ASTN2: variants seen among roughly 807,000 people sequenced by gnomAD.
ASTN2 encodes the protein astrotactin-2.
Under a neutral mutation model 139.8 loss-of-function variants are expected in ASTN2, and 54 were observed. The ratio of observed to expected loss-of-function variants is 0.39; its 90% CI spans 0.31 to 0.48. ASTN2 has a LOEUF of 0.48. ASTN2 is among the 20% of genes least tolerant of loss of function. The pLI is 0.95. For synonymous variants in ASTN2, 756 were observed against 719.5 expected (o/e 1.05, Z -0.81); for missense variants, 1,565 against 1,725.1 (o/e 0.91, Z 1.64).
At chr9:116,875,097 T>C (rs1833262474) in intron 10 of ASTN2, among the ~76,000 whole-genome samples, 1 of 152,198 alleles carries the variant, frequency 6.6e-6, no homozygotes, top group South Asian at 2.1e-4. Context: ...TCTCTCACTT[T>C]AAATCATAAG....
At chr9:116,577,934 G>C (rs958851695) in intron 19 of ASTN2, among the ~76,000 whole-genome samples, 27 of 152,286 alleles carry the variant, frequency 1.8e-4, no homozygotes, top group African/African-American at 5.8e-4. Context: ...GCAGGGCAGA[G>C]CCAGGGGATG....
In ASTN2 at chr9:117,214,696, G is replaced by C; in HGVS notation, c.677C>G (p.Ala226Gly). The part of the protein sequence containing the change: ...LLLLLLVFTV[A>G]LYAQRRWQKR... ...CTGCCAACGTCGCTGGGCGTACAGC[G>C]CCACGGTGAACACCAGCAGCAGCAG... Residue 226 changes from alanine to glycine, a missense_variant, in exon 3 of 23, where the codon GCG becomes GGG. Coordinates refer to ENST00000313400, the MANE Select transcript of ASTN2 (RefSeq NM_001365068.1). 1 of 1,526,668 alleles carries C rather than the reference G, an allele frequency of 6.6e-7. No individual in the cohort carries two copies. The highest frequency in any genetic ancestry group is 8.8e-7 in the Non-Finnish European group (1 of 1,132,770). 94.6% of individuals were successfully genotyped at this position (1,526,668 alleles called of 1,614,324 possible).
intron 1 of ASTN2, among the ~76,000 whole-genome samples, chr9:117,347,721 C>T (rs1057159313): frequency 6.6e-5 from 10 of 152,058 alleles, no homozygotes; most frequent in African/African-American, 2.4e-4. Flanking sequence ...TACAACCACA[C>T]AAAGAAAGCA....
At chr9:117,037,940 TTGTCTTATGTGCAC>T (rs1250279856) in intron 6 of ASTN2, among the ~76,000 whole-genome samples, 2 of 152,190 alleles carry the variant, frequency 1.3e-5, no homozygotes, top group Non-Finnish European at 2.9e-5. Context: ...ACACATTTAC[TTGTCTTATGTGCAC>T]ATATGACTCA....
rs1030120382 is a variant in ASTN2 at position 116,993,876 on chromosome 9, A to ATATATTTT, written c.1591+14215_1591+14216insAAAATATA. Among the ~76,000 whole-genome samples the ATATATTTT allele has an allele frequency of 6.5e-3, 924 of 142,022 alleles. 9 individuals are homozygous for ATATATTTT. Among genetic ancestry groups the ATATATTTT allele is most frequent in the African/African-American group, 0.022 (853 of 38,836 alleles). The allele number at this position is 142,022 out of a possible 152,430, so 93.2% of individuals were successfully genotyped here. On this transcript the variant is annotated intron_variant, in intron 7 of 22. Coordinates refer to ENST00000313400, the MANE Select transcript of ASTN2 (RefSeq NM_001365068.1). ...ATGATATATATATATATATATATAT[A>ATATATTTT]TTTTAACTATATTACTATATATATT...
intron 19 of ASTN2, among the ~76,000 whole-genome samples, chr9:116,518,188 C>T (rs60250382): frequency 0.012 from 1,877 of 152,280 alleles, 34 homozygotes; most frequent in African/African-American, 0.043. Flanking sequence ...AAAAGATCAT[C>T]GCCTAGGCAC....
chr9:117,350,226 C>A (rs1335404634), intron 1 of ASTN2, among the ~76,000 whole-genome samples: 4 of 152,084 alleles, frequency 2.6e-5, no homozygotes, highest in Admixed American at 6.6e-5. Context: ...AGATTAATTA[C>A]TCCTGCAAGA....
At position 116,425,182 on chromosome 9, in the gene ASTN2, T is replaced by G; in HGVS notation, c.*669A>C. On this transcript the variant is annotated 3_prime_UTR_variant, in exon 23 of 23. Coordinates refer to ENST00000313400, the MANE Select transcript of ASTN2 (RefSeq NM_001365068.1). ...TACTCAATAAGTGAATAAACAGAGG[T>G]CTCTCAAGCACATTCCCTTGGTAAG... 1 of 231,564 alleles carries G rather than the reference T, an allele frequency of 4.3e-6. No homozygotes were observed. The highest frequency in any genetic ancestry group is 8.3e-6 in the Non-Finnish European group (1 of 120,586). 14.3% of individuals were successfully genotyped at this position (231,564 alleles called of 1,614,324 possible).
intron 6 of ASTN2, among the ~76,000 whole-genome samples, chr9:117,011,892 T>C (rs1837548276): frequency 6.6e-6 from 1 of 152,146 alleles, no homozygotes; most frequent in Non-Finnish European, 1.5e-5. Context: ...GGGGTTTTGG[T>C]CAGTTGCTTT....
chr9:116,890,458 A>C (rs946496573), intron 10 of ASTN2, among the ~76,000 whole-genome samples: 8 of 152,310 alleles, frequency 5.3e-5, no homozygotes, highest in African/African-American at 1.9e-4. Context: ...TTTCCCCACC[A>C]TTGTAGATAT....
At chr9:116,778,635 A>G (rs1830144096) in intron 13 of ASTN2, among the ~76,000 whole-genome samples, 1 of 152,142 alleles carries the variant, frequency 6.6e-6, no homozygotes. Context: ...GACTAGCTAT[A>G]GCTCCTTCCA....
At chr9:116,573,224 A>G (rs908133954) in intron 19 of ASTN2, among the ~76,000 whole-genome samples, 5 of 152,238 alleles carry the variant, frequency 3.3e-5, no homozygotes, top group African/African-American at 4.8e-5. Context: ...AGAGGCTCTG[A>G]TAAGCAATGG....
At chr9:117,314,579 A>G (rs1828077041) in intron 1 of ASTN2, among the ~76,000 whole-genome samples, 2 of 147,696 alleles carry the variant, frequency 1.4e-5, no homozygotes, top group African/African-American at 4.9e-5. Flanking sequence ...CATAAAACAC[A>G]TATTATCATA....
At position 117,008,148 on chromosome 9, in the gene ASTN2, T is replaced by C. The variant is rs1837413135; in HGVS notation, c.1535A>G (p.Asp512Gly). The C allele has an allele frequency of 4.3e-6, 7 of 1,610,552 alleles. No individual in the cohort carries two copies. The highest frequency in any genetic ancestry group is 5.9e-6 in the Non-Finnish European group (7 of 1,178,384). Reference sequence around the variant, plus strand: ...ATCTGTCGTCCTTTGTCCACAGAGGTCCCTCACCCATGGGGAGGTGGCATT... The same window carrying C: ...ATCTGTCGTCCTTTGTCCACAGAGGCCCCTCACCCATGGGGAGGTGGCATT... ...QINATSPWVR[D>G]LCGQRTTDAC... Residue 512 changes from aspartate to glycine, a missense_variant, in exon 7 of 23, where the codon GAC becomes GGC. This residue lies in a region of ASTN2 where 503 missense variants were observed against 591.7 expected (regional missense o/e 0.85). Transcript: ENST00000313400.
chr9:117,070,915 A>T (rs1828102852), intron 5 of ASTN2, among the ~76,000 whole-genome samples: 1 of 146,528 alleles, frequency 6.8e-6, no homozygotes, highest in African/African-American at 2.5e-5. Flanking sequence ...ATTCTTCTAA[A>T]TTTTTTTCAA....
chr9:116,554,438 A>C (rs1304084626), intron 19 of ASTN2, among the ~76,000 whole-genome samples: 1 of 152,170 alleles, frequency 6.6e-6, no homozygotes, highest in East Asian at 1.9e-4. Flanking sequence ...AAATCATTCT[A>C]TTGTGTTACA....
Position 116,947,376 on chromosome 9 carries a change from T to C in ASTN2, c.1889+27832A>G, listed in dbSNP as rs533316594. On this transcript the variant is annotated intron_variant, in intron 10 of 22. Transcript: ENST00000313400. Reference sequence around the variant, plus strand: ...GTTATTTCTTCTGGGAAGATGCTTTTTGCTTCCCAAAGGGATTGCATTGCC... The same window carrying C: ...GTTATTTCTTCTGGGAAGATGCTTTCTGCTTCCCAAAGGGATTGCATTGCC... Among the ~76,000 whole-genome samples, 7 of 152,342 alleles carry C rather than the reference T, an allele frequency of 4.6e-5. No individual in the cohort carries two copies. In the South Asian group the frequency reaches 1.5e-3, roughly 32 times the overall value.
chr9:116,481,741 G>C (rs573363794), intron 20 of ASTN2, among the ~76,000 whole-genome samples: 33 of 152,280 alleles, frequency 2.2e-4, no homozygotes, highest in African/African-American at 7.9e-4. Flanking sequence ...GATGAGGTGT[G>C]AAGTACCCCC....
chr9:116,701,814 T>C (rs1418528233), intron 16 of ASTN2, among the ~76,000 whole-genome samples: 1 of 152,120 alleles, frequency 6.6e-6, no homozygotes, highest in Non-Finnish European at 1.5e-5. Flanking sequence ...AATTATCTGC[T>C]GTGTTGACTA....
Sources: gnomAD v4.1 joint callset for allele counts (sites outside exome capture counted in the v4.1 genomes callset) on GRCh38, gnomAD v4.1.1 for gene constraint, gnomAD v4.1.1 regional missense constraint, MANE v1.5 for transcripts, NCBI Gene and HGNC (gene_info 2026-07-23, HGNC 2026-07-21) for gene names.